DPYD: variants seen among roughly 807,000 people sequenced by gnomAD.
DPYD encodes the protein dihydropyrimidine dehydrogenase [NADP(+)].
A neutral mutation model predicts 116.2 loss-of-function variants in DPYD; 109 were observed. The observed-to-expected ratio is 0.94, with a 90% CI of 0.80 to 1.10. The LOEUF (loss-of-function observed/expected upper bound fraction) is 1.10. Ranked by LOEUF, DPYD falls within the 50% of genes least tolerant of loss-of-function variation. The pLI is 0.00. For synonymous variants in DPYD, 440 were observed against 432.0 expected, an observed-to-expected ratio of 1.02 and a Z score of -0.23; for missense variants, 1,302 against 1,254.5, an observed-to-expected ratio of 1.04 and a Z score of -0.57.
chr1:97,454,778 T>C (rs1676595594), intron 13 of DPYD, among the ~76,000 whole-genome samples: 1 of 151,890 alleles, frequency 6.6e-6, no homozygotes, highest in South Asian at 2.1e-4. Flanking sequence ...GATGTTTCTA[T>C]GGTTACTACT....
At chr1:97,239,566 A>C (rs1662186434) in intron 18 of DPYD, among the ~76,000 whole-genome samples, 1 of 152,046 alleles carries the variant, frequency 6.6e-6, no homozygotes, top group Non-Finnish European at 1.5e-5. Flanking sequence ...AGGTTATTTC[A>C]AGTTAATAAT....
intron 19 of DPYD, among the ~76,000 whole-genome samples, chr1:97,206,231 G>A (rs1659591494): frequency 6.6e-6 from 1 of 151,744 alleles, no homozygotes; most frequent in Admixed American, 6.6e-5. Flanking sequence ...TTTAAGGGTG[G>A]AAAAGTTTGG....
intron 8 of DPYD, among the ~76,000 whole-genome samples, chr1:97,645,956 T>C (rs1423778147): frequency 2.0e-5 from 3 of 152,086 alleles, no homozygotes; most frequent in Non-Finnish European, 4.4e-5. Context: ...TTGGTTTCAG[T>C]GTTTTCTGTT....
intron 8 of DPYD, among the ~76,000 whole-genome samples, chr1:97,671,384 C>T (rs1169680932): frequency 6.6e-6 from 1 of 152,032 alleles, no homozygotes; most frequent in Non-Finnish European, 1.5e-5. Context: ...AAGAAAATAT[C>T]TGATATTCAG....
At chr1:97,529,783 CTT>C (rs1278858492) in intron 12 of DPYD, among the ~76,000 whole-genome samples, 3 of 119,302 alleles carry the variant, frequency 2.5e-5, no homozygotes, top group Admixed American at 1.8e-4. Flanking sequence ...CTTTCTTTCT[CTT>C]TTTCTTTTTT....
intron 18 of DPYD, among the ~76,000 whole-genome samples, chr1:97,236,210 G>T (rs961642185): frequency 6.6e-6 from 1 of 152,058 alleles, no homozygotes; most frequent in Non-Finnish European, 1.5e-5. Context: ...ATTTGACACT[G>T]CCTTAAACCA....
Position 97,289,595 on chromosome 1 carries a change from T to C in DPYD, c.2299+15664A>G, listed in dbSNP as rs994528211. The stretch of plus-strand genomic sequence containing the variant: ...GAACCAAAGACAAAAACCACATGAT[T>C]ATCTCAATAGATGCAGAAAAGGCCT... On this transcript the variant is annotated intron_variant, in intron 18 of 22. Coordinates refer to ENST00000370192, the MANE Select transcript of DPYD (RefSeq NM_000110.4). 7.8e-4 allele frequency among the ~76,000 whole-genome samples: 119 copies of C among 152,126 alleles called. 1 individual carries two copies. The highest frequency in any genetic ancestry group is 4.0e-4 in the Non-Finnish European group (27 of 67,966).
intron 20 of DPYD, among the ~76,000 whole-genome samples, chr1:97,149,104 A>G (rs1654839449): frequency 6.6e-6 from 1 of 152,188 alleles, no homozygotes; most frequent in African/African-American, 2.4e-5. Flanking sequence ...GAAAACTAGT[A>G]TTTACTAAAT....
At chr1:97,920,608 C>T (rs1362564954) in intron 1 of DPYD, among the ~76,000 whole-genome samples, 1 of 152,194 alleles carries the variant, frequency 6.6e-6, no homozygotes, top group Non-Finnish European at 1.5e-5. Flanking sequence ...CAGAGGAGGA[C>T]AAGACAGGCT....
chr1:97,291,833 A>G (rs1666198670), intron 18 of DPYD, among the ~76,000 whole-genome samples: 1 of 152,160 alleles, frequency 6.6e-6, no homozygotes, highest in African/African-American at 2.4e-5. Flanking sequence ...AACTTAAAGT[A>G]TAATAAAATA....
At chr1:97,389,637 A>G (rs1205187167) in intron 14 of DPYD, among the ~76,000 whole-genome samples, 4 of 152,064 alleles carry the variant, frequency 2.6e-5, no homozygotes, top group African/African-American at 9.7e-5. Context: ...CTTCGTAGAA[A>G]ATACTTTTAA....
intron 18 of DPYD, among the ~76,000 whole-genome samples, chr1:97,237,903 C>A (rs1662061863): frequency 6.6e-6 from 1 of 152,064 alleles, no homozygotes; most frequent in Admixed American, 6.6e-5. Context: ...TAATTTATTT[C>A]TACCTCCACT....
intron 2 of DPYD, among the ~76,000 whole-genome samples, chr1:97,838,181 A>C (rs558540287): frequency 4.1e-4 from 63 of 152,304 alleles, no homozygotes; most frequent in Non-Finnish European, 4.4e-4. Context: ...CTTTATAATA[A>C]ATTAGCTAAG....
intron 21 of DPYD, among the ~76,000 whole-genome samples, chr1:97,083,307 T>C (rs1175083429): frequency 6.6e-6 from 1 of 152,142 alleles, no homozygotes; most frequent in Non-Finnish European, 1.5e-5. Context: ...ATGAGAATCT[T>C]GTTTGAATTC....
intron 21 of DPYD, among the ~76,000 whole-genome samples, chr1:97,086,518 T>C (rs1649533092): frequency 6.6e-6 from 1 of 152,218 alleles, no homozygotes; most frequent in African/African-American, 2.4e-5. Context: ...TAATAGCTGA[T>C]GGAAGTATTT....
intron 10 of DPYD, among the ~76,000 whole-genome samples, chr1:97,582,606 C>A (rs1653770399): frequency 6.6e-6 from 1 of 152,136 alleles, no homozygotes; most frequent in Non-Finnish European, 1.5e-5. Flanking sequence ...CCTGTACAAG[C>A]AAATTCTGCA....
chr1:97,355,313 T>C (rs1405665722), intron 16 of DPYD, among the ~76,000 whole-genome samples: 1 of 152,176 alleles, frequency 6.6e-6, no homozygotes, highest in Non-Finnish European at 1.5e-5. Context: ...CAAGTGATGT[T>C]ACAATTTATG....
chr1:97,908,325 C>T (rs779544443), intron 1 of DPYD, among the ~76,000 whole-genome samples: 2 of 151,928 alleles, frequency 1.3e-5, no homozygotes, highest in Non-Finnish European at 2.9e-5. Context: ...GGATTACAGG[C>T]GTAAGTCATC....
At chr1:97,483,523 G>C (rs1678440356) in intron 13 of DPYD, among the ~76,000 whole-genome samples, 1 of 152,090 alleles carries the variant, frequency 6.6e-6, no homozygotes, top group Admixed American at 6.6e-5. Context: ...GAGAACATTA[G>C]GGAAGATAGT....
Sources: allele counts gnomAD v4.1 joint callset (sites outside exome capture counted in the v4.1 genomes callset), GRCh38; gene constraint gnomAD v4.1.1; transcripts MANE v1.5; gene names NCBI Gene and HGNC (gene_info 2026-07-23, HGNC 2026-07-21).